The following SLC44A5 variants were observed in gnomAD, a reference collection of about 807,000 sequenced individuals.
SLC44A5 encodes the protein choline transporter-like protein 5.
In SLC44A5, 57 loss-of-function variants were observed where a neutral mutation model predicts 101.8. The observed-to-expected ratio is 0.56, with a 90% confidence interval of 0.45 to 0.70. The LOEUF (loss-of-function observed/expected upper bound fraction) is 0.70, where lower values mean the gene tolerates loss of function less well. Among genes scored for constraint, SLC44A5 ranks in the 30% least tolerant of loss-of-function variants. The pLI, the probability that SLC44A5 is intolerant of heterozygous loss-of-function variation, is 0.00. For synonymous variants in SLC44A5, 281 were observed against 290.9 expected, an observed-to-expected ratio of 0.97 and a Z score of 0.35; for missense variants, 737 against 853.1, an observed-to-expected ratio of 0.86 and a Z score of 1.70.
At chr1:75,403,260 C>T (rs543953634) in intron 2 of SLC44A5, among the ~76,000 whole-genome samples, 26 of 152,296 alleles carry the variant, frequency 1.7e-4, no homozygotes, top group East Asian at 5.8e-4. Flanking sequence ...GAGGCAGCTG[C>T]GGGCGCAGCT....
intron 12 of SLC44A5, among the ~76,000 whole-genome samples, chr1:75,231,005 G>C (rs1570420270): frequency 6.6e-6 from 1 of 152,296 alleles, no homozygotes. Context: ...ACACAGAACT[G>C]TTTTCTTGCA....
At chr1:75,539,467 A>G (rs1671233746) in intron 2 of SLC44A5, among the ~76,000 whole-genome samples, 1 of 152,286 alleles carries the variant, frequency 6.6e-6, no homozygotes, top group Admixed American at 6.5e-5. Context: ...TTCCACTCCA[A>G]CAAGTATCCA....
chr1:75,316,471 T>C (rs1179091654), intron 4 of SLC44A5, among the ~76,000 whole-genome samples: 1 of 152,216 alleles, frequency 6.6e-6, no homozygotes, highest in African/African-American at 2.4e-5. Context: ...AGCAGTTCCC[T>C]CTTTGATGCT....
the SLC44A5 span, among the ~76,000 whole-genome samples, chr1:75,685,729 C>A: frequency 6.6e-6 from 1 of 152,204 alleles, no homozygotes; most frequent in African/African-American, 2.4e-5. Flanking sequence ...GCCCTTCAAA[C>A]TGTTCCAACA....
chr1:75,536,879 G>A (rs1671052281), intron 2 of SLC44A5, among the ~76,000 whole-genome samples: 2 of 139,752 alleles, frequency 1.4e-5, no homozygotes, highest in South Asian at 2.4e-4. Flanking sequence ...AGTGGCGGGC[G>A]CCTGTAGTCC....
chr1:75,700,245 C>A, the SLC44A5 span, among the ~76,000 whole-genome samples: 1 of 152,178 alleles, frequency 6.6e-6, no homozygotes, highest in East Asian at 1.9e-4. Context: ...AAATTGACCA[C>A]ATACTTGGAA....
chr1:75,527,444 A>G (rs933959606), intron 2 of SLC44A5, among the ~76,000 whole-genome samples: 6 of 152,312 alleles, frequency 3.9e-5, no homozygotes, highest in Admixed American at 1.3e-4. Context: ...AAGCATTAAA[A>G]TGGGCTACAA....
chr1:75,455,268 G>A (rs1014941201), intron 2 of SLC44A5, among the ~76,000 whole-genome samples: 1 of 152,064 alleles, frequency 6.6e-6, no homozygotes, highest in Non-Finnish European at 1.5e-5. Context: ...ATGCGGAAAG[G>A]ACTCTCTATT....
the SLC44A5 span, among the ~76,000 whole-genome samples, chr1:75,618,529 T>C: frequency 1.3e-5 from 2 of 152,190 alleles, no homozygotes; most frequent in Non-Finnish European, 2.9e-5. Context: ...TATACAGTCA[T>C]GCATTGCTTA....
chr1:75,398,555 G>C (rs895976465), intron 2 of SLC44A5: 1 of 218,436 alleles, frequency 4.6e-6, no homozygotes, highest in Non-Finnish European at 7.8e-6. Flanking sequence ...AACTAGGCTG[G>C]TGAAAATATT....
intron 5 of SLC44A5, among the ~76,000 whole-genome samples, chr1:75,282,842 A>C (rs916079351): frequency 2.6e-5 from 4 of 152,162 alleles, no homozygotes; most frequent in African/African-American, 9.7e-5. Context: ...GCCATGCTGA[A>C]CTGTGAGTTA....
At chr1:75,642,004 T>G in the SLC44A5 span, 1 of 1,478,828 alleles carries the variant, frequency 6.8e-7, no homozygotes, top group Non-Finnish European at 9.4e-7. Context: ...CATCTTCATC[T>G]GCATGGTGGA....
intron 3 of SLC44A5, among the ~76,000 whole-genome samples, chr1:75,368,385 A>G (rs1276276953): frequency 1.3e-5 from 2 of 152,134 alleles, no homozygotes; most frequent in East Asian, 1.9e-4. Context: ...TCTGCCCTCT[A>G]TATCTGTGGG....
At chr1:75,317,373 T>TTAAAATC (rs1467987870) in intron 4 of SLC44A5, among the ~76,000 whole-genome samples, 1 of 152,212 alleles carries the variant, frequency 6.6e-6, no homozygotes. Flanking sequence ...GCCAGAGACA[T>TTAAAATC]AGTGTTCTGA....
At chr1:75,427,314 G>A (rs1027983146) in intron 2 of SLC44A5, among the ~76,000 whole-genome samples, 1 of 152,134 alleles carries the variant, frequency 6.6e-6, no homozygotes, top group Non-Finnish European at 1.5e-5. Flanking sequence ...CTATAAATAA[G>A]CTATCATTTA....
At chr1:75,712,575 A>G in the SLC44A5 span, among the ~76,000 whole-genome samples, 1 of 152,102 alleles carries the variant, frequency 6.6e-6, no homozygotes, top group East Asian at 1.9e-4. Context: ...CTTAAGTAAC[A>G]CCAGAGGCTT....
the SLC44A5 span, among the ~76,000 whole-genome samples, chr1:75,705,272 C>T: frequency 7.2e-5 from 11 of 152,146 alleles, no homozygotes; most frequent in African/African-American, 2.4e-4. Context: ...TTATACTCCC[C>T]TTTCTAGTTT....
At chr1:75,233,910 C>G in intron 12 of SLC44A5, 76 bp downstream of exon 12, 2 of 1,097,766 alleles carry the variant, frequency 1.8e-6, no homozygotes, top group Middle Eastern at 2.0e-4. Flanking sequence ...CAAATGCTTT[C>G]TGGTAACTGA....
intron 2 of SLC44A5, among the ~76,000 whole-genome samples, chr1:75,451,179 C>T (rs1665887981): frequency 6.6e-6 from 1 of 152,182 alleles, no homozygotes; most frequent in South Asian, 2.1e-4. Context: ...TTGGTCTTGC[C>T]CATCATGGCC....
Sources: allele counts gnomAD v4.1 joint callset (sites outside exome capture counted in the v4.1 genomes callset), GRCh38; gene constraint gnomAD v4.1.1; transcripts MANE v1.5; gene names NCBI Gene and HGNC (gene_info 2026-07-23, HGNC 2026-07-21).